Variants in RHOBTB1 observed in about 807,000 individuals in gnomAD.
The protein encoded by RHOBTB1 is rho-related BTB domain-containing protein 1.
RHOBTB1 carries 40 observed loss-of-function variants against 71.6 expected under a neutral mutation model. The observed-to-expected ratio is 0.56, with a 90% CI of 0.43 to 0.73. The LOEUF (loss-of-function observed/expected upper bound fraction) is 0.73. RHOBTB1 is among the 30% of genes least tolerant of loss of function. The pLI is 0.00. For synonymous variants in RHOBTB1, 319 were observed against 334.9 expected, an observed-to-expected ratio of 0.95 and a Z score of 0.52; for missense variants, 797 against 894.0, an observed-to-expected ratio of 0.89 and a Z score of 1.38.
At chr10:60,944,282 C>T (rs2085111643), upstream of RHOBTB1, 1 of 152,228 alleles carries the variant, frequency 6.6e-6, no homozygotes. Context: ...GAACGGAGCA[C>T]CCGGCACCTC....
At chr10:60,997,595 A>G (rs1339884218) in intron 1 of RHOBTB1, among the ~76,000 whole-genome samples, 1 of 152,234 alleles carries the variant, frequency 6.6e-6, no homozygotes, top group African/African-American at 2.4e-5. Context: ...TCTTTAATCT[A>G]TCACACCAGT....
At chr10:60,920,008 T>C (rs2083468314) in intron 2 of RHOBTB1, among the ~76,000 whole-genome samples, 2 of 152,170 alleles carry the variant, frequency 1.3e-5, no homozygotes, top group South Asian at 4.1e-4. Flanking sequence ...CCACCATAAG[T>C]GAACTGTGTG....
chr10:60,986,929 C>A (rs976739865), intron 1 of RHOBTB1, among the ~76,000 whole-genome samples: 1 of 152,264 alleles, frequency 6.6e-6, no homozygotes, highest in Middle Eastern at 3.4e-3. Context: ...ATTTTCTCAA[C>A]AGTAAGGAGG....
intron 2 of RHOBTB1, among the ~76,000 whole-genome samples, chr10:60,929,433 G>A (rs1485037107): frequency 6.6e-6 from 1 of 152,046 alleles, no homozygotes; most frequent in Non-Finnish European, 1.5e-5. Flanking sequence ...CAAAGACTCA[G>A]GTCAAAAACC....
intron 2 of RHOBTB1, among the ~76,000 whole-genome samples, chr10:60,970,882 G>A (rs2086130992): frequency 6.6e-6 from 1 of 151,946 alleles, no homozygotes; most frequent in African/African-American, 2.4e-5. Context: ...ACAACTCCTT[G>A]TAAAAATATT....
chr10:60,872,751 T>A (rs1326283212), intron 9 of RHOBTB1, among the ~76,000 whole-genome samples: 1 of 152,148 alleles, frequency 6.6e-6, no homozygotes, highest in Admixed American at 6.6e-5. Flanking sequence ...TGTGTGACTG[T>A]CCTATACCTC....
At chr10:60,996,827 A>G (rs974743816) in intron 1 of RHOBTB1, among the ~76,000 whole-genome samples, 2 of 152,172 alleles carry the variant, frequency 1.3e-5, no homozygotes, top group African/African-American at 2.4e-5. Flanking sequence ...AGATTTAACT[A>G]GGCATCCTGT....
At chr10:60,988,530 C>A (rs2086748469) in intron 1 of RHOBTB1, among the ~76,000 whole-genome samples, 1 of 151,916 alleles carries the variant, frequency 6.6e-6, no homozygotes, top group Non-Finnish European at 1.5e-5. Flanking sequence ...ACATTTAGCT[C>A]CCACTCATAA....
chr10:60,970,558 A>G (rs1417996533), intron 2 of RHOBTB1, among the ~76,000 whole-genome samples: 1 of 152,166 alleles, frequency 6.6e-6, no homozygotes. Context: ...AGGAACTAAT[A>G]AATTTTTGAT....
At chr10:60,957,650 G>A (rs1029910106) in intron 2 of RHOBTB1, among the ~76,000 whole-genome samples, 4 of 151,948 alleles carry the variant, frequency 2.6e-5, no homozygotes, top group African/African-American at 9.7e-5. Context: ...AGATCCAAGT[G>A]AGTAAGTAGT....
downstream of RHOBTB1, among the ~76,000 whole-genome samples, chr10:60,867,055 C>T (rs891020883): frequency 6.6e-6 from 1 of 152,124 alleles, no homozygotes; most frequent in Non-Finnish European, 1.5e-5. Flanking sequence ...TTATTATGTC[C>T]AAGGTACTTG....
chr10:60,944,510 C>G (rs1218119246), upstream of RHOBTB1, among the ~76,000 whole-genome samples: 1 of 152,150 alleles, frequency 6.6e-6, no homozygotes, highest in Non-Finnish European at 1.5e-5. Context: ...ATGGGAGACC[C>G]CGGCCCTTTC....
At chr10:60,970,832 A>T (rs2086128735) in intron 2 of RHOBTB1, among the ~76,000 whole-genome samples, 1 of 152,060 alleles carries the variant, frequency 6.6e-6, no homozygotes, top group South Asian at 2.1e-4. Context: ...TCTAAACTGC[A>T]GTTGGACCAA....
intron 2 of RHOBTB1, among the ~76,000 whole-genome samples, chr10:60,975,332 C>T (rs914599645): frequency 6.6e-6 from 1 of 152,154 alleles, no homozygotes; most frequent in Non-Finnish European, 1.5e-5. Context: ...GGTCCAGAGA[C>T]TTGTGTTCCT....
intron 2 of RHOBTB1, among the ~76,000 whole-genome samples, chr10:60,935,085 A>T (rs1325548043): frequency 6.6e-6 from 1 of 152,198 alleles, no homozygotes; most frequent in Non-Finnish European, 1.5e-5. Context: ...ACTGGAAACA[A>T]CCCATCAACA....
At chr10:60,882,844 AC>A (rs781372777) in intron 7 of RHOBTB1, among the ~76,000 whole-genome samples, 6 of 152,154 alleles carry the variant, frequency 3.9e-5, no homozygotes, top group Non-Finnish European at 7.4e-5. Flanking sequence ...GGGGACAAAT[AC>A]CCTTAACCCC....
intron 2 of RHOBTB1, among the ~76,000 whole-genome samples, chr10:60,955,043 C>CTTTTTTTTTTTTTTTTTTTTTTTT (rs34012455): frequency 8.9e-6 from 1 of 112,838 alleles, no homozygotes; most frequent in Non-Finnish European, 1.8e-5. Flanking sequence ...TTCTTTCTTT[C>CTTTTTTTTTTTTTTTTTTTTTTTT]TTTTTTTTTT....
At chr10:60,895,350 T>A (rs1476321526) in intron 4 of RHOBTB1, among the ~76,000 whole-genome samples, 1 of 152,224 alleles carries the variant, frequency 6.6e-6, no homozygotes, top group African/African-American at 2.4e-5. Flanking sequence ...TTAGGTGCTA[T>A]GAGAATCTGT....
intron 2 of RHOBTB1, among the ~76,000 whole-genome samples, chr10:60,965,250 T>C (rs929672235): frequency 2.6e-5 from 4 of 152,092 alleles, no homozygotes; most frequent in African/African-American, 9.7e-5. Context: ...AGGTTTTATA[T>C]ATATTATATA....
Sources: allele counts gnomAD v4.1 joint callset (sites outside exome capture counted in the v4.1 genomes callset), GRCh38; gene constraint gnomAD v4.1.1; transcripts MANE v1.5; gene names NCBI Gene and HGNC (gene_info 2026-07-23, HGNC 2026-07-21).